TMEM132D: variants seen among roughly 807,000 people sequenced by gnomAD.
The protein encoded by TMEM132D is mature OL transmembrane protein.
TMEM132D carries 21 observed loss-of-function variants against 62.3 expected under a neutral mutation model. That is an observed-to-expected ratio of 0.34 (90% CI 0.24 to 0.49). The LOEUF (loss-of-function observed/expected upper bound fraction) is 0.49, where lower values mean the gene tolerates loss of function less well. Among genes scored for constraint, TMEM132D ranks in the 20% least tolerant of loss-of-function variants. The pLI is 0.99. For missense variants in TMEM132D, 1,346 were observed against 1,402.8 expected (o/e 0.96, Z 0.65); for synonymous variants, 621 against 575.6 (o/e 1.08, Z -1.13).
At chr12:129,273,506 G>C (rs1880916597) in intron 4 of TMEM132D, among the ~76,000 whole-genome samples, 1 of 150,790 alleles carries the variant, frequency 6.6e-6, no homozygotes, top group Admixed American at 6.6e-5. Context: ...GCAAAGAGGT[G>C]GAATCAACCT....
At chr12:129,103,483 C>T (rs989326373) in intron 5 of TMEM132D, among the ~76,000 whole-genome samples, 60 of 152,186 alleles carry the variant, frequency 3.9e-4, no homozygotes, top group Non-Finnish European at 1.0e-4. Flanking sequence ...CCCATCCAGA[C>T]ACACAGGGCA....
chr12:129,376,406 T>G (rs1044369558), intron 3 of TMEM132D, among the ~76,000 whole-genome samples: 2 of 152,158 alleles, frequency 1.3e-5, no homozygotes, highest in South Asian at 2.1e-4. Flanking sequence ...AAGCCCCTTC[T>G]AAAGCCACCA....
intron 2 of TMEM132D, among the ~76,000 whole-genome samples, chr12:129,606,048 C>A (rs1878616567): frequency 6.6e-6 from 1 of 152,100 alleles, no homozygotes; most frequent in African/African-American, 2.4e-5. Context: ...ACTGTGCTTA[C>A]TAAAATCAAA....
chr12:129,207,914 G>C (rs1366093700), intron 5 of TMEM132D, among the ~76,000 whole-genome samples: 1 of 152,152 alleles, frequency 6.6e-6, no homozygotes, highest in Non-Finnish European at 1.5e-5. Context: ...TGCTAGGAAT[G>C]TTAGTATTAT....
chr12:129,758,944 T>C (rs919612909), intron 1 of TMEM132D, among the ~76,000 whole-genome samples: 2 of 151,816 alleles, frequency 1.3e-5, no homozygotes, highest in African/African-American at 4.8e-5. Flanking sequence ...TTCTTTTTTT[T>C]TTTTTTTAGA....
intron 1 of TMEM132D, among the ~76,000 whole-genome samples, chr12:129,773,003 C>T (rs988097416): frequency 6.6e-6 from 1 of 152,066 alleles, no homozygotes; most frequent in Non-Finnish European, 1.5e-5. Flanking sequence ...TTCATCCCTG[C>T]AGAGCAGAAA....
At chr12:129,315,998 A>G (rs560821811) in intron 4 of TMEM132D, among the ~76,000 whole-genome samples, 1 of 151,916 alleles carries the variant, frequency 6.6e-6, no homozygotes, top group East Asian at 1.9e-4. Flanking sequence ...CTCTTGTTTC[A>G]TTTCTTCGTG....
At position 129,789,532 on chromosome 12, in the gene TMEM132D, G is replaced by A. The variant is rs553691074; in HGVS notation, c.80-88834C>T. On this transcript the variant is annotated intron_variant, in intron 1 of 8. Coordinates refer to ENST00000422113, the MANE Select transcript of TMEM132D (RefSeq NM_133448.3). Reference sequence around the variant, plus strand: ...AAATGCAGTATATGCAATATACACCGTGGAATACTACTCAGCTATAAATGA... The same window carrying A: ...AAATGCAGTATATGCAATATACACCATGGAATACTACTCAGCTATAAATGA... 1.6e-4 allele frequency among the ~76,000 whole-genome samples: 25 copies of A among 152,338 alleles called. No individual in the cohort carries two copies. The South Asian group carries it at 3.5e-3, about 21-fold the overall frequency.
chr12:129,380,602 T>C (rs1222481657), intron 3 of TMEM132D, among the ~76,000 whole-genome samples: 1 of 152,080 alleles, frequency 6.6e-6, no homozygotes, highest in African/African-American at 2.4e-5. Context: ...TTTAGTTCTA[T>C]ACCATCTCAT....
intron 3 of TMEM132D, among the ~76,000 whole-genome samples, chr12:129,422,403 C>T (rs1181488904): frequency 6.6e-6 from 1 of 152,124 alleles, no homozygotes; most frequent in African/African-American, 2.4e-5. Flanking sequence ...TGTCAATGGG[C>T]AAGTCACAGA....
intron 3 of TMEM132D, among the ~76,000 whole-genome samples, chr12:129,501,963 T>C (rs1469845771): frequency 6.6e-6 from 1 of 151,786 alleles, no homozygotes; most frequent in Non-Finnish European, 1.5e-5. Context: ...GAAATGAACA[T>C]CCCAGACTTA....
rs1565972138 is a variant in TMEM132D, at chr12:129,125,499, A to ATTTTTTTTTTTTTTTTTTTTT, written c.1444-40798_1444-40797insAAAAAAAAAAAAAAAAAAAAA. Among the ~76,000 whole-genome samples, 4 of 127,834 alleles carry ATTTTTTTTTTTTTTTTTTTTT rather than the reference A, an allele frequency of 3.1e-5. 1 individual carries two copies. 83.9% of individuals were successfully genotyped at this position (127,834 alleles called of 152,430 possible). ...GATGTGACGATGTCGAATTACTATG[A>ATTTTTTTTTTTTTTTTTTTTT]GTTTTTTTTTTTTTTTTTTTTTTGA... On this transcript the variant is annotated intron_variant, in intron 5 of 8. Transcript: ENST00000422113.
At chr12:129,199,459 A>C (rs993048462) in intron 5 of TMEM132D, among the ~76,000 whole-genome samples, 8 of 152,192 alleles carry the variant, frequency 5.3e-5, no homozygotes, top group African/African-American at 1.9e-4. Flanking sequence ...CAATTCTAAA[A>C]TCACACATTA....
At chr12:129,186,503 T>A (rs1351301329) in intron 5 of TMEM132D, among the ~76,000 whole-genome samples, 5 of 152,204 alleles carry the variant, frequency 3.3e-5, no homozygotes, top group Non-Finnish European at 5.9e-5. Flanking sequence ...CAGTTTTCAC[T>A]GGGCCCCTTT....
In TMEM132D at chr12:129,150,987, C is replaced by T. The variant is rs531248945; in HGVS notation, c.1443+58533G>A. ...CTGTTCCCCTGCCCTGAGTGGCTGCCGGCTTGTATCTGTCCCCTGGAGGAT... is the reference window on the plus strand; with the variant it reads ...CTGTTCCCCTGCCCTGAGTGGCTGCTGGCTTGTATCTGTCCCCTGGAGGAT... On this transcript the variant is annotated intron_variant, in intron 5 of 8. Transcript: ENST00000422113. 3.3e-5 allele frequency among the ~76,000 whole-genome samples: 5 copies of T among 152,278 alleles called. No individual in the cohort carries two copies. The South Asian group carries it at 8.3e-4, about 25-fold the overall frequency.
chr12:129,709,642 C>T (rs1881593345), intron 1 of TMEM132D, among the ~76,000 whole-genome samples: 1 of 152,194 alleles, frequency 6.6e-6, no homozygotes, highest in Admixed American at 6.5e-5. Flanking sequence ...TCCTGTGTGC[C>T]TCCAAAGCTC....
chr12:129,213,741 C>T (rs1298658793), intron 4 of TMEM132D, among the ~76,000 whole-genome samples: 1 of 152,080 alleles, frequency 6.6e-6, no homozygotes, highest in Non-Finnish European at 1.5e-5. Context: ...ATCACTGCCC[C>T]ACGCCCACTG....
At chr12:129,339,114 T>C (rs561766060) in intron 3 of TMEM132D, among the ~76,000 whole-genome samples, 6 of 152,108 alleles carry the variant, frequency 3.9e-5, no homozygotes, top group African/African-American at 1.2e-4. Flanking sequence ...CTACTAATAA[T>C]ACAAAAATTA....
chr12:129,276,782 G>A (rs1029859753), intron 4 of TMEM132D, among the ~76,000 whole-genome samples: 2 of 152,234 alleles, frequency 1.3e-5, no homozygotes, highest in African/African-American at 2.4e-5. Flanking sequence ...AAAGTATAAT[G>A]ACATGCAATT....
Sources: allele counts gnomAD v4.1 joint callset (sites outside exome capture counted in the v4.1 genomes callset), GRCh38; gene constraint gnomAD v4.1.1; transcripts MANE v1.5; gene names NCBI Gene and HGNC (gene_info 2026-07-23, HGNC 2026-07-21).